The following OXR1 variants were observed in gnomAD, a reference collection of about 807,000 sequenced individuals.
OXR1 encodes the protein oxidation resistance 1.
A neutral mutation model predicts 104.6 loss-of-function variants in OXR1; 41 were observed. The ratio of observed to expected loss-of-function variants is 0.39; its 90% CI spans 0.31 to 0.51. OXR1 has a LOEUF of 0.51. OXR1 is among the 20% of genes least tolerant of loss of function. The probability of loss-of-function intolerance (pLI) is 0.77; values close to 1 mark genes in which losing one functional copy is unlikely to be tolerated. For missense variants in OXR1, 955 were observed against 1,031.9 expected, an observed-to-expected ratio of 0.93 and a Z score of 1.02; for synonymous variants, 348 against 348.4, an observed-to-expected ratio of 1.00 and a Z score of 0.01.
chr8:106,395,804 A>G lies in OXR1; in HGVS notation c.23+36168A>G, dbSNP rs188221449. ...TGTACTTTCTAAATACCACTCTCCA[A>G]TAAAAGGACTCAGCATTCTTTGGGA... On this transcript the variant is annotated intron_variant, in intron 2 of 16. Coordinates refer to ENST00000517566, the MANE Select transcript of OXR1 (RefSeq NM_001198533.2). 1.9e-3 allele frequency among the ~76,000 whole-genome samples: 284 copies of G among 152,246 alleles called. 1 individual carries two copies. Among genetic ancestry groups the G allele is most frequent in the Middle Eastern group, 3.4e-3 (1 of 294 alleles).
chr8:106,533,662 T>C (rs892266178), intron 3 of OXR1, among the ~76,000 whole-genome samples: 1 of 152,056 alleles, frequency 6.6e-6, no homozygotes, highest in African/African-American at 2.4e-5. Context: ...GCTCAGGACT[T>C]GAAGGCAGTT....
intron 4 of OXR1, among the ~76,000 whole-genome samples, chr8:106,681,520 A>G (rs1371150289): frequency 3.3e-5 from 5 of 151,602 alleles, no homozygotes; most frequent in South Asian, 4.2e-4. Context: ...CTCTTTTTTT[A>G]TTTTATTTTA....
rs998910983 is a variant in OXR1 at position 106,750,174 on chromosome 8, TA to T, written c.2487-624del. Among the ~76,000 whole-genome samples, 215 of 150,424 alleles carry T rather than the reference TA, an allele frequency of 1.4e-3. 1 individual carries two copies. Among genetic ancestry groups the T allele is most frequent in the African/African-American group, 4.9e-3 (200 of 41,128 alleles). ...CACATACACAAAAAAAAAACCATAC[TA>T]AAAAAAATACCCAAAGAAAAACTCA... On this transcript the variant is annotated intron_variant, in intron 16 of 16. Coordinates refer to ENST00000517566, the MANE Select transcript of OXR1 (RefSeq NM_001198533.2).
chr8:106,282,432 A>T (rs1481376251), intron 1 of OXR1, among the ~76,000 whole-genome samples: 3 of 152,194 alleles, frequency 2.0e-5, no homozygotes, highest in Non-Finnish European at 4.4e-5. Flanking sequence ...GACTCGAACA[A>T]TATGAGAGTT....
intron 2 of OXR1, among the ~76,000 whole-genome samples, chr8:106,372,427 A>G (rs1208692479): frequency 6.6e-6 from 1 of 151,194 alleles, no homozygotes; most frequent in Non-Finnish European, 1.5e-5. Context: ...TTTCGATGGC[A>G]GCCTTAGAAC....
chr8:106,553,310 C>A (rs1816015927), intron 3 of OXR1, among the ~76,000 whole-genome samples: 1 of 129,940 alleles, frequency 7.7e-6, no homozygotes, highest in Admixed American at 9.2e-5. Flanking sequence ...ACTTTTCATG[C>A]AATTTTCTTC....
intron 1 of OXR1, among the ~76,000 whole-genome samples, chr8:106,341,380 A>C (rs2130267573): frequency 8.4e-6 from 1 of 119,614 alleles, no homozygotes; most frequent in Non-Finnish European, 1.7e-5. Context: ...TTATTCAATT[A>C]GTCAATCTAC....
At chr8:106,289,077 G>A (rs1371241076) in intron 1 of OXR1, among the ~76,000 whole-genome samples, 2 of 152,004 alleles carry the variant, frequency 1.3e-5, no homozygotes, top group Non-Finnish European at 2.9e-5. Flanking sequence ...ATACTGAATG[G>A]GCAAAAGCTG....
At chr8:106,387,135 G>A (rs763500988) in intron 2 of OXR1, among the ~76,000 whole-genome samples, 1 of 152,152 alleles carries the variant, frequency 6.6e-6, no homozygotes, top group Non-Finnish European at 1.5e-5. Context: ...ATGAGAGTGA[G>A]CATTAGTGCC....
rs200470661 is a variant in OXR1, at chr8:106,686,430, A to AT, written c.525+2079dup. ...AGTTGATTGTGTAAATTTTAGTTGT[A>AT]TTTTTTTTACCTAGGATTATATTCA... On this transcript the variant is annotated intron_variant, in intron 6 of 16. Transcript: ENST00000517566. Among the ~76,000 whole-genome samples, 1,026 of 151,724 alleles carry AT rather than the reference A, an allele frequency of 6.8e-3. 16 individuals are homozygous for AT. The highest frequency in any genetic ancestry group is 0.023 in the African/African-American group (949 of 41,382).
chr8:106,726,390 A>G, intron 11 of OXR1: 1 of 778,970 alleles, frequency 1.3e-6, no homozygotes, highest in Non-Finnish European at 1.9e-6. Flanking sequence ...ACAATTTCTG[A>G]AAGTTTAAGC....
At position 106,539,506 on chromosome 8, in the gene OXR1, T is replaced by A. The variant is rs573866890; in HGVS notation, c.220+20367T>A. On this transcript the variant is annotated intron_variant, in intron 3 of 16. Coordinates refer to ENST00000517566, the MANE Select transcript of OXR1 (RefSeq NM_001198533.2). ...AACTGATAAAATTACAGTGGTTTTT[T>A]TGATGAAAATCAAAATTAAGCTCGG... 7.2e-5 allele frequency among the ~76,000 whole-genome samples: 11 copies of A among 152,306 alleles called. No homozygotes were observed. In the East Asian group the frequency reaches 2.1e-3, roughly 29 times the overall value.
rs74912266 is a variant in OXR1, at chr8:106,597,220, G to A, written c.220+78081G>A. The stretch of plus-strand genomic sequence containing the variant: ...GATGCTGTTCAAAGGTGAGCCTTTG[G>A]GGGGGTGATTAAGTCATGGGGGCAG... On this transcript the variant is annotated intron_variant, in intron 3 of 16. Transcript: ENST00000517566. 5.9e-3 allele frequency among the ~76,000 whole-genome samples: 894 copies of A among 152,166 alleles called. 3 individuals are homozygous for A. The highest frequency in any genetic ancestry group is 0.024 in the Middle Eastern group (7 of 294).
At chr8:106,468,327 A>G (rs1282406366) in intron 2 of OXR1, among the ~76,000 whole-genome samples, 1 of 151,910 alleles carries the variant, frequency 6.6e-6, no homozygotes, top group Non-Finnish European at 1.5e-5. Flanking sequence ...TTTAGTTACC[A>G]TGTTCCCAGA....
chr8:106,587,936 C>T (rs978564717), intron 3 of OXR1, among the ~76,000 whole-genome samples: 1 of 151,384 alleles, frequency 6.6e-6, no homozygotes, highest in African/African-American at 2.4e-5. Context: ...CCAGTTGAAC[C>T]ATCTTCTAAA....
At chr8:106,539,901 T>A (rs1368312926) in intron 3 of OXR1, among the ~76,000 whole-genome samples, 2 of 152,154 alleles carry the variant, frequency 1.3e-5, no homozygotes, top group Non-Finnish European at 2.9e-5. Context: ...CTGAGTGAGA[T>A]CAACATATGA....
intron 3 of OXR1, chr8:106,618,101 T>C (rs1821389549): frequency 6.5e-7 from 1 of 1,535,992 alleles, no homozygotes; most frequent in Non-Finnish European, 8.7e-7. Context: ...TCAAAATTCC[T>C]GTCTCCTCTT....
intron 3 of OXR1, among the ~76,000 whole-genome samples, chr8:106,575,291 CTCT>C (rs1427950819): frequency 2.6e-5 from 4 of 152,092 alleles, no homozygotes; most frequent in African/African-American, 9.6e-5. Flanking sequence ...ATTTTAAAGG[CTCT>C]TAATCTATAT....
chr8:106,346,484 T>C (rs1815485061), intron 1 of OXR1, among the ~76,000 whole-genome samples: 1 of 152,150 alleles, frequency 6.6e-6, no homozygotes, highest in Admixed American at 6.5e-5. Context: ...TCTTAGAACA[T>C]AAAGAATTGT....
Sources: gnomAD v4.1 joint callset for allele counts (sites outside exome capture counted in the v4.1 genomes callset) on GRCh38, gnomAD v4.1.1 for gene constraint, MANE v1.5 for transcripts, NCBI Gene and HGNC (gene_info 2026-07-23, HGNC 2026-07-21) for gene names.